The following CYTH2 variants were observed in gnomAD, a reference collection of about 807,000 sequenced individuals.
The protein encoded by CYTH2 is cytohesin 2, also known as cytohesin-2.
A neutral mutation model predicts 55.4 loss-of-function variants in CYTH2; 24 were observed. The ratio of observed to expected loss-of-function variants is 0.43; its 90% CI spans 0.31 to 0.61. The LOEUF (loss-of-function observed/expected upper bound fraction) is 0.61. CYTH2 is among the 20% of genes least tolerant of loss of function. CYTH2 has a pLI of 0.08. For missense variants in CYTH2, 378 were observed against 533.5 expected, an observed-to-expected ratio of 0.71 and a Z score of 2.87; for synonymous variants, 221 against 209.6, an observed-to-expected ratio of 1.05 and a Z score of -0.47.
In CYTH2 at chr19:48,474,191, A is replaced by G; in HGVS notation, c.557A>G (p.Tyr186Cys). 6.3e-7 allele frequency: 1 copy of G among 1,599,328 alleles called. No individual in the cohort carries two copies. The highest frequency in any genetic ancestry group is 8.5e-7 in the Non-Finnish European group (1 of 1,172,406). The change falls in exon 7 of 12, where the codon TAT (tyrosine) becomes TGT (cysteine). Residue 186 changes from tyrosine (Y) to cysteine (C), a missense_variant. Transcript: ENST00000452733. This position sits in a 1 kb window ranked among gnomAD's most constrained non-coding sequence, Gnocchi z 4.9. ...PGVFQSTDTC[Y>C]VLSFAVIMLN... is the part of the protein sequence containing the mutation. ...GCCCTGTCCGGTGCAGACACGTGCT[A>G]TGTGCTGTCCTTCGCCGTCATCATG... is the stretch of plus-strand genomic sequence containing the variant.
rs1215581972 is a variant in CYTH2, at chr19:48,481,819, C to G, written c.*2609C>G. 3 of 152,394 alleles carry G rather than the reference C, an allele frequency of 2.0e-5. No individual in the cohort carries two copies. The highest frequency in any genetic ancestry group is 7.2e-5 in the African/African-American group (3 of 41,410). 9.4% of individuals were successfully genotyped at this position (152,394 alleles called of 1,614,324 possible). On this transcript the variant is annotated 3_prime_UTR_variant, in exon 12 of 12. Coordinates refer to ENST00000452733, the MANE Select transcript of CYTH2 (RefSeq NM_004228.7). ...TGAGCCACCGCGCCAGGCCTCAGCC[C>G]ACTTCTTTTGGGTGGCAATGGTTTG...
chr19:48,470,014 C>T, intron 1 of CYTH2: 1 of 577,422 alleles, frequency 1.7e-6, no homozygotes, highest in Non-Finnish European at 3.4e-6. Context: ...GTAATGGAGT[C>T]AGAAAACCAA....
chr19:48,478,270 T>C lies in CYTH2; in HGVS notation c.886-5T>C. ...GTCTGAGTTCTGTCCACCTTGCTTCTTCAGGACAAGGAGCCCCGAGGAATC... is the reference window on the plus strand; with the variant it reads ...GTCTGAGTTCTGTCCACCTTGCTTCCTCAGGACAAGGAGCCCCGAGGAATC... On this transcript the variant is annotated splice_region_variant and splice_polypyrimidine_tract_variant and intron_variant, in intron 9 of 11. Coordinates refer to ENST00000452733, the MANE Select transcript of CYTH2 (RefSeq NM_004228.7). The C allele has an allele frequency of 6.2e-7, 1 of 1,613,114 alleles. No individual in the cohort carries two copies. The highest frequency in any genetic ancestry group is 1.3e-5 in the African/African-American group (1 of 74,678).
chr19:48,476,011 C>G, intron 8 of CYTH2: 1 of 519,646 alleles, frequency 1.9e-6, no homozygotes, highest in South Asian at 1.4e-5. Flanking sequence ...GAGTCAAGGT[C>G]AGGCTTCTTG....
Position 48,478,381 on chromosome 19 carries a change from G to A in CYTH2, c.957+35G>A, listed in dbSNP as rs148578921. 542 of 1,613,634 alleles carry A rather than the reference G, an allele frequency of 3.4e-4. 1 individual carries two copies. In the African/African-American group the frequency reaches 5.5e-3, roughly 17 times the overall value. On this transcript the variant is annotated intron_variant, in intron 10 of 11. Transcript: ENST00000452733. ...TCTCTGTACACCTTCCTGCCAGGGC[G>A]GGGCCTCCTCTGCCCAGGGCTGGTT...
In CYTH2 at chr19:48,478,221, G is replaced by A. The variant is rs1043569116; in HGVS notation, c.886-54G>A. On this transcript the variant is annotated intron_variant, in intron 9 of 11. Transcript: ENST00000452733. The stretch of plus-strand genomic sequence containing the variant: ...GCCTGGACTCCTGGGGCTGAGGGAG[G>A]TGGGGTGGGGTGAGGACTTGGAAGT... 14 of 1,612,542 alleles carry A rather than the reference G, an allele frequency of 8.7e-6. No homozygotes were observed. In the African/African-American group the frequency reaches 1.6e-4, roughly 18 times the overall value.
rs772929195 is a variant in CYTH2 at position 48,472,376 on chromosome 19, A to T, written c.286A>T (p.Ile96Phe). ...ACTGCTGCAGAACACACCCGAGGAG[A>T]TCGCCCGCTTCCTGTACAAGGGCGA... ...NELLQNTPEEIARFLYKGEGL... is the reference protein window; with the variant it reads ...NELLQNTPEEFARFLYKGEGL... Residue 96 changes from isoleucine to phenylalanine, a missense_variant, in exon 4 of 12, where the codon ATC becomes TTC. By Grantham distance (21) the Ile-to-Phe change is conservative (BLOSUM62 0). Coordinates refer to ENST00000452733, the MANE Select transcript of CYTH2 (RefSeq NM_004228.7). 1 of 1,613,872 alleles carries T rather than the reference A, an allele frequency of 6.2e-7. No homozygotes were observed. Among genetic ancestry groups the T allele is most frequent in the Admixed American group, 1.7e-5 (1 of 60,010 alleles).
chr19:48,470,364 C>T lies in CYTH2; in HGVS notation c.31C>T (p.Leu11=), dbSNP rs1296085729. Residue 11 remains leucine, a synonymous_variant, in exon 2 of 12, where the codon CTG becomes TTG. Coordinates refer to ENST00000452733, the MANE Select transcript of CYTH2 (RefSeq NM_004228.7). MEDGVYEPPD[L]TPEERMELEN... is the part of the protein sequence containing the mutation. The stretch of plus-strand genomic sequence containing the variant: ...ACCCCGATCCCTAGAACCCCCAGAC[C>T]TGACTCCGGAGGAGCGGATGGAGCT... The T allele has an allele frequency of 1.4e-5, 23 of 1,611,978 alleles. No homozygotes were observed. The highest frequency in any genetic ancestry group is 1.9e-5 in the Non-Finnish European group (22 of 1,178,862).
chr19:48,478,254 C>G, intron 9 of CYTH2, 21 bp from the exon 10 acceptor site: 1 of 1,612,112 alleles, frequency 6.2e-7, no homozygotes, highest in South Asian at 1.1e-5. Context: ...AGTCTGAGTT[C>G]TGTCCACCTT....
rs560324858 is a variant in CYTH2 at position 48,474,696 on chromosome 19, C to T, written c.697-142C>T. 210 of 710,112 alleles carry T rather than the reference C, an allele frequency of 3.0e-4. 1 individual carries two copies. The African/African-American group carries it at 3.4e-3, about 12-fold the overall frequency. 44.0% of individuals were successfully genotyped at this position (710,112 alleles called of 1,614,324 possible). A position where few individuals can be genotyped will look rare whatever the true frequency, so the allele number is the denominator to read the frequency against. Reference sequence around the variant, plus strand: ...CCTCAGCCTCCCTCCACTTCTCTGCCTTTCACTTCCCTCTCCTCCCCACTA... The same window carrying T: ...CCTCAGCCTCCCTCCACTTCTCTGCTTTTCACTTCCCTCTCCTCCCCACTA... On this transcript the variant is annotated intron_variant, in intron 7 of 11. Transcript: ENST00000452733. The surrounding 1 kb of genome is among the most constrained non-coding windows in gnomAD (Gnocchi z 4.9).
intron 5 of CYTH2, 42 bp downstream of exon 5, chr19:48,473,420 G>A (rs1428323952): frequency 2.5e-6 from 4 of 1,590,044 alleles, no homozygotes; most frequent in Admixed American, 3.3e-5. Flanking sequence ...GAATGTACCT[G>A]TCAGGGCCTT....
Position 48,482,020 on chromosome 19 carries a change from GT to G in CYTH2, c.*2814del, listed in dbSNP as rs1447983187. 2.0e-5 allele frequency: 3 copies of G among 152,214 alleles called. No homozygotes were observed. The highest frequency in any genetic ancestry group is 2.9e-5 in the Non-Finnish European group (2 of 68,152). The allele number at this position is 152,214 out of a possible 1,614,324, so 9.4% of individuals were successfully genotyped here. A position where few individuals can be genotyped will look rare whatever the true frequency, so the allele number is the denominator to read the frequency against. ...TCACCCTTGGGAATTTGGGAATTTGGTTTTCTCTCCCTTGCTTCCTTCAGCA... is the reference window on the plus strand; with the variant it reads ...TCACCCTTGGGAATTTGGGAATTTGGTTTCTCTCCCTTGCTTCCTTCAGCA... On this transcript the variant is annotated 3_prime_UTR_variant, in exon 12 of 12. Coordinates refer to ENST00000452733, the MANE Select transcript of CYTH2 (RefSeq NM_004228.7).
In CYTH2 at chr19:48,480,362, C is replaced by T. The variant is rs1051147303; in HGVS notation, c.*1152C>T. The T allele has an allele frequency of 2.0e-5, 3 of 152,238 alleles. No individual in the cohort carries two copies. The highest frequency in any genetic ancestry group is 4.8e-5 in the African/African-American group (2 of 41,466). The allele number at this position is 152,238 out of a possible 1,614,324, so 9.4% of individuals were successfully genotyped here. A position where few individuals can be genotyped will look rare whatever the true frequency, so the allele number is the denominator to read the frequency against. On this transcript the variant is annotated 3_prime_UTR_variant, in exon 12 of 12. Coordinates refer to ENST00000452733, the MANE Select transcript of CYTH2 (RefSeq NM_004228.7). Reference sequence around the variant, plus strand: ...CCGAGGCGTGCCGCGAGTTGTAGTCCCTCCTGCCCGCTGTGTTCGCTTTTG... The same window carrying T: ...CCGAGGCGTGCCGCGAGTTGTAGTCTCTCCTGCCCGCTGTGTTCGCTTTTG...
In CYTH2 at chr19:48,481,972, T is replaced by G. The variant is rs1294552491; in HGVS notation, c.*2762T>G. 1 of 152,330 alleles carries G rather than the reference T, an allele frequency of 6.6e-6. No homozygotes were observed. The highest frequency in any genetic ancestry group is 2.4e-5 in the African/African-American group (1 of 41,428). The allele number at this position is 152,330 out of a possible 1,614,324, so 9.4% of individuals were successfully genotyped here. On this transcript the variant is annotated 3_prime_UTR_variant, in exon 12 of 12. Coordinates refer to ENST00000452733, the MANE Select transcript of CYTH2 (RefSeq NM_004228.7). ...GAGTCCTCATGGATAGATTAATGCC[T>G]GCCTTAAGGGGTGAGTGAGTGCTCA...
intron 4 of CYTH2, chr19:48,473,046 C>T (rs983561818): frequency 4.0e-5 from 19 of 474,356 alleles, no homozygotes; most frequent in African/African-American, 2.7e-4. Flanking sequence ...TACATGTTTG[C>T]GGCATTTCTC....
chr19:48,470,715 C>A, intron 3 of CYTH2, 46 bp downstream of exon 3: 1 of 1,611,076 alleles, frequency 6.2e-7, no homozygotes, highest in Non-Finnish European at 8.5e-7. Context: ...AACATCCAGG[C>A]AGGGGCTTCT....
At position 48,472,439 on chromosome 19, in the gene CYTH2, G is replaced by T; in HGVS notation, c.349G>T (p.Glu117Ter). The change falls in exon 4 of 12, where the codon GAG becomes TAG. Residue 117 changes from glutamate (E) to a stop codon, truncating the protein, a stop_gained. Transcript: ENST00000452733. LOFTEE classifies it high-confidence loss of function. ...NKTAIGDYLGEREELNLAVLH... is the reference protein window; with the variant it reads ...NKTAIGDYLG ...GACAGCCATCGGGGACTACCTGGGG[G>T]AGAGGTACGGTCACCACTCAGCTCC... 6.2e-7 allele frequency: 1 copy of T among 1,612,852 alleles called. No individual in the cohort carries two copies. Among genetic ancestry groups the T allele is most frequent in the Non-Finnish European group, 8.5e-7 (1 of 1,179,912 alleles).
Position 48,478,993 on chromosome 19 carries a change from C to T in CYTH2, c.1113-130C>T, listed in dbSNP as rs571436706. Reference sequence around the variant, plus strand: ...ACTGCTGGGTCTGAGGGAGGAGGGGCCGGGGGCCTGGACTCCTGGGTCTGA... The same window carrying T: ...ACTGCTGGGTCTGAGGGAGGAGGGGTCGGGGGCCTGGACTCCTGGGTCTGA... On this transcript the variant is annotated intron_variant, in intron 11 of 11. Coordinates refer to ENST00000452733, the MANE Select transcript of CYTH2 (RefSeq NM_004228.7). 799 of 832,214 alleles carry T rather than the reference C, an allele frequency of 9.6e-4. 3 individuals carry two copies. The highest frequency in any genetic ancestry group is 2.0e-3 in the Admixed American group (85 of 42,296). The allele number at this position is 832,214 out of a possible 1,614,324, so 51.6% of individuals were successfully genotyped here.
Position 48,475,771 on chromosome 19 carries a change from C to T in CYTH2, c.808+822C>T, listed in dbSNP as rs552087253. 18 of 210,562 alleles carry T rather than the reference C, an allele frequency of 8.5e-5. 2 individuals carry two copies. Among genetic ancestry groups the T allele is most frequent in the South Asian group, 8.0e-4 (16 of 20,028 alleles). The allele number at this position is 210,562 out of a possible 1,614,324, so 13.0% of individuals were successfully genotyped here. A position where few individuals can be genotyped will look rare whatever the true frequency, so the allele number is the denominator to read the frequency against. Reference sequence around the variant, plus strand: ...CAGGAGCAGAAGGGCCATCAGTCATCGTTTAAGCTCCTCGGGTGCTCCCAA... The same window carrying T: ...CAGGAGCAGAAGGGCCATCAGTCATTGTTTAAGCTCCTCGGGTGCTCCCAA... On this transcript the variant is annotated intron_variant, in intron 8 of 11. Transcript: ENST00000452733.
Sources: gnomAD v4.1 joint callset for allele counts on GRCh38, gnomAD v4.1.1 for gene constraint, Gnocchi (gnomAD v3.1) non-coding constraint, MANE v1.5 for transcripts, NCBI Gene and HGNC (gene_info 2026-07-23, HGNC 2026-07-21) for gene names.